ZFHX4: variants seen among roughly 807,000 people sequenced by gnomAD.
ZFHX4 encodes the protein zinc finger homeobox protein 4.
In ZFHX4, 56 loss-of-function variants were observed where a neutral mutation model predicts 267.6. That is an observed-to-expected ratio of 0.21 (90% CI 0.17 to 0.26). The LOEUF is 0.26. Among genes scored for constraint, ZFHX4 ranks in the 10% least tolerant of loss-of-function variants. The pLI is 1.00. For synonymous variants in ZFHX4, 1,778 were observed against 1,665.6 expected (o/e 1.07, Z -1.64); for missense variants, 4,332 against 4,420.0 (o/e 0.98, Z 0.56).
chr8:76,741,527 A>G (rs953625082), intron 3 of ZFHX4, among the ~76,000 whole-genome samples: 2 of 152,310 alleles, frequency 1.3e-5, no homozygotes, highest in East Asian at 3.9e-4. Flanking sequence ...ATGAACTAAG[A>G]CAACTAGAAT....
rs563649300 is a variant in ZFHX4 at position 76,705,878 on chromosome 8, C to T, written c.1790C>T (p.Thr597Ile). ...CACCAGCATGGCTTTACCCCGAGTA[C>T]TCCTGGCACACCAGGGCCTGGAGGA... ...TPHQHGFTPSTPGTPGPGGDG... is the reference protein window; with the variant it reads ...TPHQHGFTPSIPGTPGPGGDG... Residue 597 changes from threonine (T) to isoleucine (I), a missense_variant, in exon 2 of 11, where the codon ACT becomes ATT. Thr to Ile is a moderately conservative substitution (Grantham distance 89). Coordinates refer to ENST00000651372, the MANE Select transcript of ZFHX4 (RefSeq NM_024721.5). The T allele has an allele frequency of 1.4e-4, 223 of 1,613,858 alleles. 3 individuals are homozygous for T. The South Asian group carries it at 1.9e-3, about 14-fold the overall frequency.
chr8:76,713,325 CAGAT>C (rs955016279), intron 3 of ZFHX4, among the ~76,000 whole-genome samples: 4 of 137,294 alleles, frequency 2.9e-5, no homozygotes, highest in East Asian at 4.1e-4. Context: ...AGATGATAGA[CAGAT>C]AGATAGATAT....
chr8:76,710,265 A>G (rs994741813), intron 3 of ZFHX4, among the ~76,000 whole-genome samples: 8 of 152,144 alleles, frequency 5.3e-5, no homozygotes, highest in African/African-American at 1.9e-4. Flanking sequence ...ATTTTCTTTC[A>G]AGAAACATTC....
At chr8:76,742,885 C>T (rs1332704761) in intron 3 of ZFHX4, among the ~76,000 whole-genome samples, 1 of 152,180 alleles carries the variant, frequency 6.6e-6, no homozygotes, top group Non-Finnish European at 1.5e-5. Context: ...TATCGCCTGA[C>T]ATCTTACAAG....
chr8:76,765,437 T>C (rs1402402707), intron 3 of ZFHX4, among the ~76,000 whole-genome samples: 1 of 152,176 alleles, frequency 6.6e-6, no homozygotes, highest in Non-Finnish European at 1.5e-5. Context: ...CCTCTTTTTT[T>C]CTGGTAAATA....
chr8:76,833,781 T>TG (rs1812001176), intron 5 of ZFHX4, among the ~76,000 whole-genome samples: 1 of 152,114 alleles, frequency 6.6e-6, no homozygotes, highest in African/African-American at 2.4e-5. Flanking sequence ...CTCTTGGTGT[T>TG]GTACATTTTA....
Position 76,852,052 on chromosome 8 carries a change from C to G in ZFHX4, c.5131C>G (p.Pro1711Ala). The G allele has an allele frequency of 6.2e-7, 1 of 1,614,020 alleles. No homozygotes were observed. The highest frequency in any genetic ancestry group is 8.5e-7 in the Non-Finnish European group (1 of 1,179,884). The change falls in exon 10 of 11, where the codon CCT becomes GCT. Residue 1711 changes from proline (P) to alanine (A), a missense_variant. Physicochemically the swap from Pro to Ala is conservative, Grantham distance 27 (BLOSUM62 -1). Around this residue, in one of 7 missense-constraint regions of ZFHX4, gnomAD observed 1,371 missense variants for 1,423.1 expected, o/e 0.96. Coordinates refer to ENST00000651372, the MANE Select transcript of ZFHX4 (RefSeq NM_024721.5). ...ELQQQAAFFQ[P>A]QFLNPAFLPH... is the part of the protein sequence containing the mutation. ...ACAACAGCAAGCCGCATTCTTTCAG[C>G]CTCAGTTTCTAAACCCAGCCTTTTT...
chr8:76,781,426 C>T (rs1364630221), intron 4 of ZFHX4, among the ~76,000 whole-genome samples: 1 of 151,910 alleles, frequency 6.6e-6, no homozygotes, highest in Non-Finnish European at 1.5e-5. Flanking sequence ...AAAATATGTA[C>T]TATAGGACTG....
intron 3 of ZFHX4, among the ~76,000 whole-genome samples, chr8:76,754,332 T>C (rs1809706562): frequency 6.6e-6 from 1 of 151,976 alleles, no homozygotes; most frequent in East Asian, 1.9e-4. Context: ...TACCAAAAAA[T>C]ACAAAAATTA....
At chr8:76,702,334 C>A (rs547966868) in intron 1 of ZFHX4, among the ~76,000 whole-genome samples, 194 of 152,146 alleles carry the variant, frequency 1.3e-3, no homozygotes, top group Non-Finnish European at 2.4e-3. Flanking sequence ...TCAATCTATG[C>A]AGATCTTTTA....
In ZFHX4 at chr8:76,866,675, G is replaced by A. The variant is rs991698241; in HGVS notation, c.*2110G>A. On this transcript the variant is annotated 3_prime_UTR_variant, in exon 11 of 11. Coordinates refer to ENST00000651372, the MANE Select transcript of ZFHX4 (RefSeq NM_024721.5). Reference sequence around the variant, plus strand: ...ATCGATCTGTCCTGGCAGTTAACACGATGTGCAACAGTGTGTTAGCATGGA... The same window carrying A: ...ATCGATCTGTCCTGGCAGTTAACACAATGTGCAACAGTGTGTTAGCATGGA... The A allele has an allele frequency of 1.3e-5, 2 of 152,220 alleles. No homozygotes were observed. Among genetic ancestry groups the A allele is most frequent in the East Asian group, 3.9e-4 (2 of 5,178 alleles). The allele number at this position is 152,220 out of a possible 1,614,324, so 9.4% of individuals were successfully genotyped here. A position where few individuals can be genotyped will look rare whatever the true frequency, so the allele number is the denominator to read the frequency against.
At position 76,849,146 on chromosome 8, in the gene ZFHX4, C is replaced by G; in HGVS notation, c.3645+18C>G. 6.5e-7 allele frequency: 1 copy of G among 1,536,424 alleles called. No homozygotes were observed. The highest frequency in any genetic ancestry group is 1.7e-4 in the Middle Eastern group (1 of 5,862). ...ATGAACAGGTAAATACTTTTTTTCC[C>G]CTTTACTGTGTAAATCTTTATTTTT... On this transcript the variant is annotated intron_variant, in intron 7 of 10. Coordinates refer to ENST00000651372, the MANE Select transcript of ZFHX4 (RefSeq NM_024721.5).
intron 5 of ZFHX4, among the ~76,000 whole-genome samples, chr8:76,838,948 G>A (rs1376083455): frequency 6.6e-6 from 1 of 151,890 alleles, no homozygotes; most frequent in African/African-American, 2.4e-5. Context: ...CCAGCCACTT[G>A]GGAGGCTGAG....
At chr8:76,791,436 C>A (rs541107585) in intron 4 of ZFHX4, among the ~76,000 whole-genome samples, 5 of 152,108 alleles carry the variant, frequency 3.3e-5, no homozygotes, top group African/African-American at 1.2e-4. Flanking sequence ...TGGATTTTAA[C>A]GTAGAAAACT....
intron 3 of ZFHX4, among the ~76,000 whole-genome samples, chr8:76,765,731 C>T (rs1291379450): frequency 2.6e-5 from 4 of 152,002 alleles, no homozygotes; most frequent in Non-Finnish European, 5.9e-5. Context: ...TATTGCATTG[C>T]CAGGCACAGT....
intron 1 of ZFHX4, among the ~76,000 whole-genome samples, chr8:76,685,283 T>A (rs1807663722): frequency 6.6e-6 from 1 of 152,158 alleles, no homozygotes; most frequent in Non-Finnish European, 1.5e-5. Context: ...AATGTGCAAA[T>A]CAATATTTCA....
At chr8:76,688,582 T>C (rs2131579855) in intron 1 of ZFHX4, among the ~76,000 whole-genome samples, 1 of 152,268 alleles carries the variant, frequency 6.6e-6, no homozygotes, top group Admixed American at 6.5e-5. Flanking sequence ...TAGTTAGGGA[T>C]GTAACTGGTT....
chr8:76,778,108 T>C, intron 3 of ZFHX4, 100 bp from the exon 4 acceptor site: 1 of 771,346 alleles, frequency 1.3e-6, no homozygotes. Context: ...TTTGAGCATC[T>C]GTGTAACCAA....
intron 4 of ZFHX4, among the ~76,000 whole-genome samples, chr8:76,780,269 GCTGT>G (rs1810514183): frequency 6.6e-6 from 1 of 152,084 alleles, no homozygotes; most frequent in Non-Finnish European, 1.5e-5. Flanking sequence ...TTTAAATGAA[GCTGT>G]CTATCAAAGT....
Sources: allele counts gnomAD v4.1 joint callset (sites outside exome capture counted in the v4.1 genomes callset), GRCh38; gene constraint gnomAD v4.1.1; regional missense constraint gnomAD v4.1.1; transcripts MANE v1.5; gene names NCBI Gene and HGNC (gene_info 2026-07-23, HGNC 2026-07-21).